The following NRXN2 variants were observed in gnomAD, a reference collection of about 807,000 sequenced individuals.
The protein encoded by NRXN2 is neurexin-2-beta.
Under a neutral mutation model 128.8 loss-of-function variants are expected in NRXN2, and 29 were observed. The observed-to-expected ratio is 0.23, with a 90% CI of 0.17 to 0.31. The LOEUF (loss-of-function observed/expected upper bound fraction) is 0.31. NRXN2 is among the 10% of genes least tolerant of loss of function. NRXN2 has a pLI of 1.00. For synonymous variants in NRXN2, 1,098 were observed against 1,075.2 expected (o/e 1.02, Z -0.41); for missense variants, 1,881 against 2,452.6 (o/e 0.77, Z 4.92).
chr11:64,652,354 G>C (rs964605641), intron 12 of NRXN2, among the ~76,000 whole-genome samples, 200 bp from the exon 13 acceptor site: 14 of 152,018 alleles, frequency 9.2e-5, no homozygotes, highest in African/African-American at 3.1e-4. Context: ...ATCACACCTG[G>C]AGTCCATGCA....
At position 64,622,671 on chromosome 11, in the gene NRXN2, GCAC is replaced by G; in HGVS notation, c.4173+79_4173+81del. 5.2e-6 allele frequency: 8 copies of G among 1,531,676 alleles called. No individual in the cohort carries two copies. Among genetic ancestry groups the G allele is most frequent in the Non-Finnish European group, 6.2e-6 (7 of 1,135,118 alleles). 94.9% of individuals were successfully genotyped at this position (1,531,676 alleles called of 1,614,324 possible). On this transcript the variant is annotated intron_variant, in intron 21 of 22. Coordinates refer to ENST00000265459, the MANE Select transcript of NRXN2 (RefSeq NM_015080.4). The surrounding 1 kb of genome is among the most constrained non-coding windows in gnomAD (Gnocchi z 4.3). ...CAGACCCCTTGGACCCTCACTCTAG[GCAC>G]CACTACTGTGGCTATGCAGATATCA...
chr11:64,628,896 C>A (rs753291108), intron 19 of NRXN2, among the ~76,000 whole-genome samples: 1 of 152,138 alleles, frequency 6.6e-6, no homozygotes, highest in South Asian at 2.1e-4. Context: ...CTCTGCAGAG[C>A]TGTTTTTTCA....
Position 64,630,276 on chromosome 11 carries a change from CCCCGCCCCAGAGCCGCTT to C in NRXN2, c.3757+108_3757+125del, listed in dbSNP as rs2043695174. The C allele has an allele frequency of 2.3e-6, 2 of 878,760 alleles. No individual in the cohort carries two copies. The highest frequency in any genetic ancestry group is 3.5e-5 in the African/African-American group (2 of 57,490). 54.4% of individuals were successfully genotyped at this position (878,760 alleles called of 1,614,324 possible). ...CTCGCAAGCTTCGTCTCTCCAGTAG[CCCCGCCCCAGAGCCGCTT>C]AGCCCCGCCCCAGAGCCGCTTAGCC... On this transcript the variant is annotated intron_variant, in intron 19 of 22. Transcript: ENST00000265459. This position sits in a 1 kb window ranked among gnomAD's most constrained non-coding sequence, Gnocchi z 4.6.
chr11:64,631,932 AC>A lies in NRXN2; in HGVS notation c.3586-1360del, dbSNP rs2043968490. ...CAGACACTCACACAGGTTCACTCAA[AC>A]CCCCTGGCTCACACACTCTCAGGCA... On this transcript the variant is annotated intron_variant, in intron 18 of 22. Transcript: ENST00000265459. This position sits in a 1 kb window ranked among gnomAD's most constrained non-coding sequence, Gnocchi z 4.8. Among the ~76,000 whole-genome samples the A allele has an allele frequency of 6.6e-6, 1 of 151,790 alleles. No individual in the cohort carries two copies. Among genetic ancestry groups the A allele is most frequent in the Non-Finnish European group, 1.5e-5 (1 of 67,926 alleles).
intron 1 of NRXN2, among the ~76,000 whole-genome samples, chr11:64,720,308 G>A (rs372337213): frequency 4.6e-5 from 7 of 152,320 alleles, no homozygotes; most frequent in South Asian, 2.1e-4. Flanking sequence ...GGGCAGGGGC[G>A]AGGGAGCTGC....
chr11:64,607,873 C>A lies in NRXN2; in HGVS notation c.4462G>T (p.Glu1488Ter). ...GCGAAGCCCGAGGCCTCGATGGGCT[C>A]CTCGCAGTCGCTGTCGTCCCGCTCG... The part of the protein sequence containing the change: ...QAERDDSDCE[E>*]PIEASGFASG... The change falls in exon 23 of 23, where the codon GAG becomes TAG. Residue 1488 changes from glutamate (E) to a stop codon, truncating the protein, a stop_gained. Transcript: ENST00000265459. LOFTEE classifies it low-confidence loss of function (END_TRUNC). 1 of 1,588,762 alleles carries A rather than the reference C, an allele frequency of 6.3e-7. No individual in the cohort carries two copies. The highest frequency in any genetic ancestry group is 8.6e-7 in the Non-Finnish European group (1 of 1,168,420).
At chr11:64,642,737 G>C in intron 17 of NRXN2, 1 of 1,422,708 alleles carries the variant, frequency 7.0e-7, no homozygotes, top group Non-Finnish European at 9.2e-7. Flanking sequence ...GGAGGCGGCG[G>C]CAGGGGCCCA....
At chr11:64,688,676 GA>G in intron 5 of NRXN2, 1 of 985,352 alleles carries the variant, frequency 1.0e-6, no homozygotes, top group Non-Finnish European at 1.2e-6. Context: ...GAGAAAGGAA[GA>G]TAATAGCTGA....
chr11:64,640,974 AAG>A (rs919883559), intron 17 of NRXN2, among the ~76,000 whole-genome samples: 4 of 152,062 alleles, frequency 2.6e-5, no homozygotes, highest in African/African-American at 9.7e-5. Context: ...AGTAAAGAAT[AAG>A]AGGGGATGGA....
At chr11:64,721,486 CCT>C (rs2057431319) in intron 1 of NRXN2, among the ~76,000 whole-genome samples, 1 of 151,964 alleles carries the variant, frequency 6.6e-6, no homozygotes, top group Non-Finnish European at 1.5e-5. Context: ...ACCCTTCTCC[CCT>C]GTCTCCCAAA....
chr11:64,657,570 A>C (rs2048441789), intron 11 of NRXN2, among the ~76,000 whole-genome samples: 1 of 152,210 alleles, frequency 6.6e-6, no homozygotes, highest in South Asian at 2.1e-4. Flanking sequence ...ACGTAGGCAG[A>C]GTGAAGATTC....
At chr11:64,692,466 G>A (rs1452348406) in intron 4 of NRXN2, among the ~76,000 whole-genome samples, 3 of 151,982 alleles carry the variant, frequency 2.0e-5, no homozygotes, top group African/African-American at 4.8e-5. Context: ...ATGAGTGGAA[G>A]GAAATCAAAC....
In NRXN2 at chr11:64,667,799, C is replaced by G. The variant is rs2050096091; in HGVS notation, c.1360-111G>C. 1.0e-6 allele frequency: 1 copy of G among 986,626 alleles called. No homozygotes were observed. The highest frequency in any genetic ancestry group is 1.3e-5 in the South Asian group (1 of 74,416). 61.1% of individuals were successfully genotyped at this position (986,626 alleles called of 1,614,324 possible). On this transcript the variant is annotated intron_variant, in intron 8 of 22. Coordinates refer to ENST00000265459, the MANE Select transcript of NRXN2 (RefSeq NM_015080.4). This position sits in a 1 kb window ranked among gnomAD's most constrained non-coding sequence, Gnocchi z 5.6. ...ACCCAGCCACCCACCCCTGTAGCCC[C>G]TGCTCAGTTCCACCAGACCACCCGC... is the stretch of plus-strand genomic sequence containing the variant.
At chr11:64,686,486 G>A (rs2053068450) in intron 5 of NRXN2, among the ~76,000 whole-genome samples, 2 of 152,318 alleles carry the variant, frequency 1.3e-5, no homozygotes, top group Admixed American at 1.3e-4. Context: ...CAATAGGCCT[G>A]TTGTGCAGCA....
chr11:64,672,251 T>C (rs1160906812), intron 7 of NRXN2, among the ~76,000 whole-genome samples: 1 of 152,210 alleles, frequency 6.6e-6, no homozygotes, highest in Non-Finnish European at 1.5e-5. Flanking sequence ...CCCACCTCTC[T>C]TTCTGCTCCA....
rs769963253 is a variant in NRXN2, at chr11:64,651,602, G to A, written c.2571C>T (p.Phe857=). The A allele has an allele frequency of 1.2e-6, 2 of 1,614,102 alleles. No individual in the cohort carries two copies. Among genetic ancestry groups the A allele is most frequent in the Non-Finnish European group, 1.7e-6 (2 of 1,180,014 alleles). ...QMAGAHMRLE[F]HNIETGIMTE... ...TCATGATGCCCGTCTCAATGTTGTG[G>A]AACTCCAGCCGCATATGGGCTCCTG... The change falls in exon 14 of 23, where the codon TTC becomes TTT. Residue 857 remains phenylalanine, a synonymous_variant. Coordinates refer to ENST00000265459, the MANE Select transcript of NRXN2 (RefSeq NM_015080.4). The surrounding 1 kb of genome is among the most constrained non-coding windows in gnomAD (Gnocchi z 5.9).
In NRXN2 at chr11:64,626,153, C is replaced by T. The variant is rs892757255; in HGVS notation, c.3847+310G>A. On this transcript the variant is annotated intron_variant, in intron 20 of 22. Coordinates refer to ENST00000265459, the MANE Select transcript of NRXN2 (RefSeq NM_015080.4). The stretch of plus-strand genomic sequence containing the variant: ...TCCCAGCCTGCTTGTGATTTACTGC[C>T]GGGCTCACAGTGGGGAGCTCCCATG... Among the ~76,000 whole-genome samples, 4 of 152,208 alleles carry T rather than the reference C, an allele frequency of 2.6e-5. No homozygotes were observed. In the East Asian group the frequency reaches 5.8e-4, roughly 22 times the overall value.
intron 6 of NRXN2, among the ~76,000 whole-genome samples, chr11:64,681,994 G>GT (rs1429991204): frequency 1.3e-5 from 2 of 151,882 alleles, no homozygotes; most frequent in Non-Finnish European, 2.9e-5. Context: ...ACTCCCAGGG[G>GT]TCTCCCCATC....
chr11:64,711,090 A>G (rs891508572), intron 2 of NRXN2, among the ~76,000 whole-genome samples: 16 of 151,884 alleles, frequency 1.1e-4, no homozygotes, highest in African/African-American at 3.9e-4. Flanking sequence ...CAGGCAAACG[A>G]CTCTCCCAAG....
Sources: gnomAD v4.1 joint callset for allele counts (sites outside exome capture counted in the v4.1 genomes callset) on GRCh38, gnomAD v4.1.1 for gene constraint, Gnocchi (gnomAD v3.1) non-coding constraint, MANE v1.5 for transcripts, NCBI Gene and HGNC (gene_info 2026-07-23, HGNC 2026-07-21) for gene names.